MED9: variants seen among roughly 807,000 people sequenced by gnomAD.
The protein encoded by MED9 is mediator complex subunit 9, also known as mediator of RNA polymerase II transcription subunit 9.
MED9 carries 8 observed loss-of-function variants against 13.2 expected under a neutral mutation model. That is an observed-to-expected ratio of 0.61 (90% confidence interval 0.36 to 1.10). The LOEUF (loss-of-function observed/expected upper bound fraction) is 1.10, where lower values mean the gene tolerates loss of function less well. MED9 is among the 50% of genes least tolerant of loss of function. The pLI is 0.02. For synonymous variants in MED9, 87 were observed against 82.8 expected, an observed-to-expected ratio of 1.05 and a Z score of -0.28; for missense variants, 180 against 193.4, an observed-to-expected ratio of 0.93 and a Z score of 0.41.
At position 17,492,824 on chromosome 17, in the gene MED9, G is replaced by A. The variant is rs1905267003; in HGVS notation, c.*1329G>A. ...GAGCTTCCATTAGTGTAGACCTGTA[G>A]CCACCTGTCAGAAGGTGGGTGGCAT... On this transcript the variant is annotated 3_prime_UTR_variant, in exon 2 of 2. Transcript: ENST00000268711. 1.3e-5 allele frequency: 2 copies of A among 152,224 alleles called. No homozygotes were observed. Among genetic ancestry groups the A allele is most frequent in the Admixed American group, 1.3e-4 (2 of 15,288 alleles). 9.4% of individuals were successfully genotyped at this position (152,224 alleles called of 1,614,324 possible). A position where few individuals can be genotyped will look rare whatever the true frequency, so the allele number is the denominator to read the frequency against.
intron 1 of MED9, among the ~76,000 whole-genome samples, chr17:17,478,422 G>A (rs1254892477): frequency 6.6e-6 from 1 of 152,216 alleles, no homozygotes; most frequent in Non-Finnish European, 1.5e-5. Flanking sequence ...GACTGTTAGT[G>A]GCCCACCCAC....
chr17:17,492,403 G>T lies in MED9; in HGVS notation c.*908G>T, dbSNP rs1046792448. 1 of 152,250 alleles carries T rather than the reference G, an allele frequency of 6.6e-6. No individual in the cohort carries two copies. The highest frequency in any genetic ancestry group is 1.5e-5 in the Non-Finnish European group (1 of 68,058). 9.4% of individuals were successfully genotyped at this position (152,250 alleles called of 1,614,324 possible). The stretch of plus-strand genomic sequence containing the variant: ...TTCCCTCGTGGCCTTTGCACTTGCG[G>T]CAGCAACGTGTACTACACTGCAGAA... On this transcript the variant is annotated 3_prime_UTR_variant, in exon 2 of 2. Coordinates refer to ENST00000268711, the MANE Select transcript of MED9 (RefSeq NM_018019.3).
intron 1 of MED9, chr17:17,477,572 G>C: frequency 2.9e-6 from 1 of 349,880 alleles, no homozygotes; most frequent in Non-Finnish European, 5.2e-6. Context: ...ATCTCTTTAA[G>C]CCTCAGTTTT....
Position 17,492,855 on chromosome 17 carries a change from G to T in MED9, c.*1360G>T. Reference sequence around the variant, plus strand: ...TGTCAGAAGGTGGGTGGCATATTGGGGACCTGGGAATGTGTGAAGGAGGAG... The same window carrying T: ...TGTCAGAAGGTGGGTGGCATATTGGTGACCTGGGAATGTGTGAAGGAGGAG... On this transcript the variant is annotated 3_prime_UTR_variant, in exon 2 of 2. Coordinates refer to ENST00000268711, the MANE Select transcript of MED9 (RefSeq NM_018019.3). The T allele has an allele frequency of 6.6e-6, 1 of 152,362 alleles. No homozygotes were observed. 9.4% of individuals were successfully genotyped at this position (152,362 alleles called of 1,614,324 possible). A position where few individuals can be genotyped will look rare whatever the true frequency, so the allele number is the denominator to read the frequency against.
chr17:17,488,381 G>C (rs1019437353), intron 1 of MED9: 3 of 152,262 alleles, frequency 2.0e-5, no homozygotes, highest in Non-Finnish European at 2.9e-5. Flanking sequence ...CTAAAAAGAA[G>C]AACAAAGAAA....
chr17:17,478,692 A>T (rs1365674967), intron 1 of MED9, among the ~76,000 whole-genome samples: 1 of 152,098 alleles, frequency 6.6e-6, no homozygotes, highest in Admixed American at 6.5e-5. Context: ...CCCCATCTCT[A>T]CTAAAAACAC....
At chr17:17,479,528 A>AG (rs60733498) in intron 1 of MED9, among the ~76,000 whole-genome samples, 3,641 of 151,776 alleles carry the variant, frequency 0.024, 158 homozygotes, top group African/African-American at 0.083. Context: ...TTAAAAAAAA[A>AG]AAAAAGCATA....
intron 1 of MED9, 142 bp downstream of exon 1, chr17:17,477,407 C>G (rs1904943052): frequency 3.3e-6 from 3 of 915,900 alleles, no homozygotes; most frequent in South Asian, 1.8e-5. Context: ...CGGGAAGAGG[C>G]CTTTCCCAAG....
intron 1 of MED9, among the ~76,000 whole-genome samples, chr17:17,480,929 T>G (rs1905023169): frequency 6.6e-6 from 1 of 151,634 alleles, no homozygotes; most frequent in Admixed American, 6.6e-5. Context: ...TTGGTAAGAG[T>G]GATGCCAACA....
chr17:17,489,421 A>C (rs971229603), intron 1 of MED9, among the ~76,000 whole-genome samples: 1 of 152,182 alleles, frequency 6.6e-6, no homozygotes, highest in African/African-American at 2.4e-5. Context: ...TGTCATCCAC[A>C]TTTCTATTTT....
intron 1 of MED9, among the ~76,000 whole-genome samples, chr17:17,479,738 G>A (rs1904997079): frequency 6.6e-6 from 1 of 152,140 alleles, no homozygotes; most frequent in Non-Finnish European, 1.5e-5. Context: ...TGAAGTGGGA[G>A]GATCACTTGA....
intron 1 of MED9, chr17:17,487,082 ACT>A (rs1905145857): frequency 6.6e-6 from 1 of 152,194 alleles, no homozygotes; most frequent in Admixed American, 6.5e-5. Flanking sequence ...ACCAATCGAC[ACT>A]CTGTATCTAG....
At chr17:17,488,039 CT>C (rs1356394757) in intron 1 of MED9, 1 of 152,154 alleles carries the variant, frequency 6.6e-6, no homozygotes, top group Non-Finnish European at 1.5e-5. Flanking sequence ...CCTTGGTTGT[CT>C]CATTTTTGAA....
intron 1 of MED9, among the ~76,000 whole-genome samples, chr17:17,488,839 A>G (rs569893355): frequency 1.6e-4 from 25 of 152,236 alleles, no homozygotes; most frequent in Non-Finnish European, 3.2e-4. Flanking sequence ...CTCAAAAAAA[A>G]AAAAGAAAAA....
At chr17:17,479,146 G>T (rs1184500867) in intron 1 of MED9, among the ~76,000 whole-genome samples, 1 of 152,210 alleles carries the variant, frequency 6.6e-6, no homozygotes, top group Non-Finnish European at 1.5e-5. Flanking sequence ...AAAAGATGTA[G>T]TAGTAAGTTA....
At chr17:17,478,781 C>CGG (rs1904973670) in intron 1 of MED9, among the ~76,000 whole-genome samples, 1 of 151,512 alleles carries the variant, frequency 6.6e-6, no homozygotes, top group African/African-American at 2.4e-5. Flanking sequence ...CACTTGAACC[C>CGG]GGGAGGTGGA....
intron 1 of MED9, among the ~76,000 whole-genome samples, chr17:17,478,645 G>A (rs560150012): frequency 6.6e-6 from 1 of 152,218 alleles, no homozygotes; most frequent in South Asian, 2.1e-4. Context: ...GGATCACGAG[G>A]TCAGAGTTTG....
At chr17:17,490,966 C>T (rs1035079207) in intron 1 of MED9, among the ~76,000 whole-genome samples, 1 of 152,174 alleles carries the variant, frequency 6.6e-6, no homozygotes, top group Non-Finnish European at 1.5e-5. Context: ...ACACACTGGG[C>T]CGGGGGTAGG....
In MED9 at chr17:17,492,003, A is replaced by G. The variant is rs910902291; in HGVS notation, c.*508A>G. ...CACTGGACGAATTAAGCCTGCACTC[A>G]TATGGCATAGAATTGTGAGAGAATG... is the stretch of plus-strand genomic sequence containing the variant. On this transcript the variant is annotated 3_prime_UTR_variant, in exon 2 of 2. Coordinates refer to ENST00000268711, the MANE Select transcript of MED9 (RefSeq NM_018019.3). The G allele has an allele frequency of 5.8e-6, 1 of 171,748 alleles. No individual in the cohort carries two copies. The highest frequency in any genetic ancestry group is 2.4e-5 in the African/African-American group (1 of 42,122). 10.6% of individuals were successfully genotyped at this position (171,748 alleles called of 1,614,324 possible).
Sources: gnomAD v4.1 joint callset for allele counts (sites outside exome capture counted in the v4.1 genomes callset) on GRCh38, gnomAD v4.1.1 for gene constraint, MANE v1.5 for transcripts, NCBI Gene and HGNC (gene_info 2026-07-23, HGNC 2026-07-21) for gene names.